Variants in WLS observed in about 807,000 individuals in gnomAD.
The protein encoded by WLS is Wnt ligand secretion mediator.
In WLS, 23 loss-of-function variants were observed where a neutral mutation model predicts 62.8. The ratio of observed to expected loss-of-function variants is 0.37; its 90% confidence interval spans 0.26 to 0.52. The LOEUF (loss-of-function observed/expected upper bound fraction) is 0.52. Among genes scored for constraint, WLS ranks in the 20% least tolerant of loss-of-function variants. WLS has a pLI of 0.92. For missense variants in WLS, 615 were observed against 697.3 expected, an observed-to-expected ratio of 0.88 and a Z score of 1.33; for synonymous variants, 246 against 244.1, an observed-to-expected ratio of 1.01 and a Z score of -0.07.
chr1:68,136,698 T>C (rs1027046931), intron 11 of WLS, among the ~76,000 whole-genome samples: 6 of 152,312 alleles, frequency 3.9e-5, no homozygotes, highest in Middle Eastern at 3.4e-3. Context: ...TGGATTCTAA[T>C]TGGGGTGATT....
chr1:68,194,291 T>C, intron 1 of WLS, 64 bp from the exon 2 acceptor site: 3 of 1,565,252 alleles, frequency 1.9e-6, no homozygotes, highest in Non-Finnish European at 2.6e-6. Flanking sequence ...TTCTGGTTAA[T>C]ATTCTTTCCA....
intron 2 of WLS, among the ~76,000 whole-genome samples, chr1:68,178,418 A>G (rs947981381): frequency 6.6e-6 from 1 of 152,182 alleles, no homozygotes; most frequent in African/African-American, 2.4e-5. Context: ...ATTCACTCTT[A>G]GGCCAGGAGT....
At chr1:68,225,219 T>C (rs1020379496) in intron 1 of WLS, among the ~76,000 whole-genome samples, 1 of 152,178 alleles carries the variant, frequency 6.6e-6, no homozygotes, top group Non-Finnish European at 1.5e-5. Flanking sequence ...TATAGAAATT[T>C]AGTATTTTTA....
intron 11 of WLS, among the ~76,000 whole-genome samples, chr1:68,099,391 A>T (rs1461988491): frequency 1.3e-5 from 2 of 152,284 alleles, no homozygotes; most frequent in East Asian, 3.9e-4. Context: ...TACTCAATAA[A>T]GTTGAGAAGT....
chr1:68,145,244 T>A (rs1022657131), intron 9 of WLS, among the ~76,000 whole-genome samples: 2 of 152,174 alleles, frequency 1.3e-5, no homozygotes, highest in African/African-American at 4.8e-5. Context: ...GCTTCTCTTT[T>A]CATACAGGAA....
chr1:68,128,115 A>G (rs1646462968), intron 11 of WLS, among the ~76,000 whole-genome samples: 1 of 152,148 alleles, frequency 6.6e-6, no homozygotes, highest in Non-Finnish European at 1.5e-5. Flanking sequence ...CCACAGGACT[A>G]TGGGTAGAGA....
At chr1:68,215,398 G>T (rs1016235360) in intron 1 of WLS, among the ~76,000 whole-genome samples, 4 of 152,044 alleles carry the variant, frequency 2.6e-5, no homozygotes, top group African/African-American at 9.7e-5. Flanking sequence ...TAAATTAAAA[G>T]AATAAGATAT....
intron 9 of WLS, among the ~76,000 whole-genome samples, chr1:68,145,201 T>C (rs916373439): frequency 1.3e-5 from 2 of 152,194 alleles, no homozygotes; most frequent in African/African-American, 4.8e-5. Context: ...GCAGATCTAC[T>C]GCATATAAAA....
intron 1 of WLS, among the ~76,000 whole-genome samples, chr1:68,221,337 A>G (rs1285629314): frequency 6.6e-6 from 1 of 152,152 alleles, no homozygotes; most frequent in East Asian, 1.9e-4. Flanking sequence ...GATCCTCAAG[A>G]AGCAAAACCT....
chr1:68,107,112 C>T (rs1293176849), intron 11 of WLS, among the ~76,000 whole-genome samples: 2 of 152,018 alleles, frequency 1.3e-5, no homozygotes, highest in African/African-American at 2.4e-5. Context: ...TGTGTCTTTC[C>T]ATTTATTTAT....
intron 2 of WLS, among the ~76,000 whole-genome samples, chr1:68,170,163 T>TC (rs1553131197): frequency 3.6e-5 from 3 of 83,678 alleles, no homozygotes; most frequent in Non-Finnish European, 8.4e-5. Context: ...ACTATTTCTT[T>TC]TTTTTTTTTT....
chr1:68,185,573 T>C (rs969256216), intron 2 of WLS, among the ~76,000 whole-genome samples: 1 of 152,174 alleles, frequency 6.6e-6, no homozygotes, highest in Non-Finnish European at 1.5e-5. Flanking sequence ...TATTGTGAAG[T>C]ATTCATGCAA....
chr1:68,148,685 G>T, intron 6 of WLS, 25 bp from the exon 7 acceptor site: 1 of 1,609,306 alleles, frequency 6.2e-7, no homozygotes, highest in Non-Finnish European at 8.5e-7. Context: ...ATTGAGAAGG[G>T]AGATAGAGGG....
chr1:68,193,906 A>T, intron 2 of WLS, 49 bp downstream of exon 2: 2 of 1,569,956 alleles, frequency 1.3e-6, no homozygotes, highest in South Asian at 1.2e-5. Context: ...GAACCCAAAG[A>T]GGGCAATGCT....
intron 11 of WLS, among the ~76,000 whole-genome samples, chr1:68,131,062 T>TTGTGTGCG (rs1646513044): frequency 6.8e-6 from 1 of 146,068 alleles, no homozygotes; most frequent in African/African-American, 2.5e-5. Flanking sequence ...CCAGCTAATT[T>TTGTGTGCG]TGTGTGTGTG....
chr1:68,181,215 A>T (rs564017806), intron 2 of WLS, among the ~76,000 whole-genome samples: 1 of 152,322 alleles, frequency 6.6e-6, no homozygotes, highest in African/African-American at 2.4e-5. Context: ...TTAAATACTG[A>T]AAGACCCAAA....
At chr1:68,160,772 C>T (rs1277758630) in intron 2 of WLS, among the ~76,000 whole-genome samples, 1 of 151,954 alleles carries the variant, frequency 6.6e-6, no homozygotes, top group East Asian at 1.9e-4. Flanking sequence ...AACAAAGGCT[C>T]AAAAGAGGCC....
chr1:68,150,594 C>T (rs989675103), intron 5 of WLS, among the ~76,000 whole-genome samples: 1 of 152,168 alleles, frequency 6.6e-6, no homozygotes, highest in Non-Finnish European at 1.5e-5. Context: ...ATGCCTCACA[C>T]TTTACTTTGG....
chr1:68,126,037 G>A lies in WLS; in HGVS notation c.*189C>T, dbSNP rs1646425006. On this transcript the variant is annotated 3_prime_UTR_variant, in exon 12 of 12. Coordinates refer to ENST00000262348, the MANE Select transcript of WLS (RefSeq NM_024911.7). ...TATCATACACAATGCATTAGTGGCT[G>A]CAGGAATCTTCCTCCAAAAGCTACC... The A allele has an allele frequency of 1.4e-6, 2 of 1,430,756 alleles. No individual in the cohort carries two copies. Among genetic ancestry groups the A allele is most frequent in the African/African-American group, 1.4e-5 (1 of 69,402 alleles). The allele number at this position is 1,430,756 out of a possible 1,614,324, so 88.6% of individuals were successfully genotyped here.
Sources: gnomAD v4.1 joint callset for allele counts (sites outside exome capture counted in the v4.1 genomes callset) on GRCh38, gnomAD v4.1.1 for gene constraint, MANE v1.5 for transcripts, NCBI Gene and HGNC (gene_info 2026-07-23, HGNC 2026-07-21) for gene names.